Variants in DOCK3 observed in about 807,000 individuals in gnomAD.
DOCK3 encodes dedicator of cytokinesis protein 3.
Under a neutral mutation model 265.6 loss-of-function variants are expected in DOCK3, and 60 were observed. The ratio of observed to expected loss-of-function variants is 0.23; its 90% CI spans 0.18 to 0.28. The LOEUF (loss-of-function observed/expected upper bound fraction) is 0.28, where lower values mean the gene tolerates loss of function less well. Among genes scored for constraint, DOCK3 ranks in the 10% least tolerant of loss-of-function variants. The pLI is 1.00. For missense variants in DOCK3, 1,981 were observed against 2,594.3 expected (o/e 0.76, Z 5.14); for synonymous variants, 881 against 938.0 (o/e 0.94, Z 1.11).
intron 51 of DOCK3, 89 bp from the exon 52 acceptor site, chr3:51,380,036 A>T: frequency 3.9e-6 from 5 of 1,296,998 alleles, no homozygotes; most frequent in Non-Finnish European, 5.4e-6. Context: ...GACTCTTCTC[A>T]TGCCTGCCCA....
chr3:50,943,035 C>T (rs1485293974), intron 5 of DOCK3, among the ~76,000 whole-genome samples: 1 of 151,810 alleles, frequency 6.6e-6, no homozygotes, highest in African/African-American at 2.4e-5. Context: ...ATTTAAGAAA[C>T]ATGCTGTATG....
chr3:51,083,242 A>G lies in DOCK3; in HGVS notation c.550-6001A>G, dbSNP rs1334568745. On this transcript the variant is annotated intron_variant, in intron 7 of 52. Coordinates refer to ENST00000266037, the MANE Select transcript of DOCK3 (RefSeq NM_004947.5). ...GGAGAGTCTGCTACTGCACTCACCT[A>G]GAATCAAATCCAAAGCACCCTACCT... is the stretch of plus-strand genomic sequence containing the variant. Among the ~76,000 whole-genome samples the G allele has an allele frequency of 2.0e-5, 3 of 152,328 alleles. 1 individual carries two copies. The Middle Eastern group carries it at 0.01, about 518-fold the overall frequency.
chr3:50,799,171 T>C (rs11914934), intron 2 of DOCK3, among the ~76,000 whole-genome samples: 7,174 of 152,272 alleles, frequency 0.047, 235 homozygotes, highest in Non-Finnish European at 0.073. Flanking sequence ...TTGCTCTTTT[T>C]GCCCAAGATT....
intron 4 of DOCK3, 101 bp downstream of exon 4, chr3:50,890,182 G>A: frequency 9.9e-6 from 9 of 905,218 alleles, no homozygotes; most frequent in Non-Finnish European, 1.4e-5. Context: ...CAATTGATAT[G>A]TTTTCCTGGC....
chr3:50,999,948 A>T (rs938590850), intron 5 of DOCK3, among the ~76,000 whole-genome samples: 3 of 152,048 alleles, frequency 2.0e-5, no homozygotes, highest in Middle Eastern at 3.4e-3. Flanking sequence ...AGTAAATAGC[A>T]CTCCCTTTCT....
At chr3:50,928,076 A>G (rs1471458930) in intron 4 of DOCK3, among the ~76,000 whole-genome samples, 4 of 150,322 alleles carry the variant, frequency 2.7e-5, no homozygotes, top group African/African-American at 4.9e-5. Flanking sequence ...TATCCTCTCT[A>G]TTGAGGTTTC....
At chr3:51,378,447 C>T (rs1386718608) in intron 51 of DOCK3, among the ~76,000 whole-genome samples, 23 of 152,160 alleles carry the variant, frequency 1.5e-4, no homozygotes, top group Admixed American at 1.5e-3. Flanking sequence ...TCCCATTAGG[C>T]CCTGAAATTC....
chr3:50,890,580 T>G (rs1278709768), intron 4 of DOCK3, among the ~76,000 whole-genome samples: 3 of 152,088 alleles, frequency 2.0e-5, no homozygotes, highest in African/African-American at 7.2e-5. Context: ...ATGTTAACAC[T>G]TGTTTTTGCA....
chr3:50,758,108 G>T (rs1180740982), intron 1 of DOCK3, among the ~76,000 whole-genome samples: 2 of 145,186 alleles, frequency 1.4e-5, no homozygotes, highest in Admixed American at 1.4e-4. Context: ...AACCCGGGAG[G>T]TGGAGCTTGC....
In DOCK3 at chr3:51,312,511, C is replaced by A; in HGVS notation, c.3129C>A (p.Phe1043Leu). 1 of 1,606,922 alleles carries A rather than the reference C, an allele frequency of 6.2e-7. No homozygotes were observed. The highest frequency in any genetic ancestry group is 8.5e-7 in the Non-Finnish European group (1 of 1,178,488). Residue 1043 changes from phenylalanine (F) to leucine (L), a missense_variant, in exon 30 of 53, where the codon TTC becomes TTA. This residue lies in a region of DOCK3 where 1,357 missense variants were observed against 1,866.8 expected (regional missense o/e 0.73). Coordinates refer to ENST00000266037, the MANE Select transcript of DOCK3 (RefSeq NM_004947.5). Reference protein sequence around the residue: ...WNSYFSLAVLFINQPSLQLEI... With the variant: ...WNSYFSLAVLLINQPSLQLEI... ...CTTACTTTAGCCTGGCAGTTCTATT[C>A]ATAAATCAGCCAAGCCTTCAGCTAG...
Position 51,229,529 on chromosome 3 carries a change from C to A in DOCK3, c.1837C>A (p.Leu613Met), listed in dbSNP as rs1234356387. ...CTTTCTAGTGGACCTCCTAGCTCTGCTGAAGTGGAAAGCCTTCCCCGACCG... is the reference window on the plus strand; with the variant it reads ...CTTTCTAGTGGACCTCCTAGCTCTGATGAAGTGGAAAGCCTTCCCCGACCG... Reference protein sequence around the residue: ...LTQNVDLLALLKWKAFPDRIM... With the variant: ...LTQNVDLLALMKWKAFPDRIM... Residue 613 changes from leucine to methionine, a missense_variant, in exon 19 of 53, where the codon CTG becomes ATG. By Grantham distance (15) the Leu-to-Met change is conservative. Around this residue, in one of 4 missense-constraint regions of DOCK3, gnomAD observed 1,357 missense variants for 1,866.8 expected, o/e 0.73. Transcript: ENST00000266037. The A allele has an allele frequency of 1.2e-6, 2 of 1,606,114 alleles. No individual in the cohort carries two copies. Among genetic ancestry groups the A allele is most frequent in the Non-Finnish European group, 8.5e-7 (1 of 1,176,272 alleles).
chr3:51,308,707 A>C (rs1398060130), intron 27 of DOCK3, among the ~76,000 whole-genome samples: 2 of 152,256 alleles, frequency 1.3e-5, no homozygotes, highest in East Asian at 1.9e-4. Flanking sequence ...CATTGTCATC[A>C]TGGCCCGTTC....
intron 5 of DOCK3, among the ~76,000 whole-genome samples, chr3:51,001,328 GT>G: frequency 6.6e-6 from 1 of 152,284 alleles, no homozygotes; most frequent in Admixed American, 6.5e-5. Context: ...TGGGACATTG[GT>G]TTTTTCCTGC....
At chr3:50,810,588 A>C (rs192046947) in intron 2 of DOCK3, among the ~76,000 whole-genome samples, 1 of 152,260 alleles carries the variant, frequency 6.6e-6, no homozygotes, top group East Asian at 1.9e-4. Context: ...TGATTTGCAC[A>C]CTTACGGATG....
chr3:51,250,445 C>T (rs1040179091), intron 22 of DOCK3, among the ~76,000 whole-genome samples: 10 of 152,040 alleles, frequency 6.6e-5, no homozygotes, highest in Non-Finnish European at 1.3e-4. Flanking sequence ...ATGATGAAAC[C>T]CCATCTCTAC....
chr3:51,196,586 T>C (rs1473417136), intron 12 of DOCK3, among the ~76,000 whole-genome samples: 1 of 152,206 alleles, frequency 6.6e-6, no homozygotes, highest in Non-Finnish European at 1.5e-5. Flanking sequence ...TTTTATTCCT[T>C]TTTCTTTATT....
intron 1 of DOCK3, among the ~76,000 whole-genome samples, chr3:50,736,906 A>G (rs983189846): frequency 6.6e-5 from 10 of 151,548 alleles, no homozygotes; most frequent in Non-Finnish European, 1.0e-4. Flanking sequence ...CCGTGTTAGG[A>G]TGGTCTCGAT....
intron 36 of DOCK3, 105 bp downstream of exon 36, chr3:51,338,524 G>A (rs751831863): frequency 1.5e-5 from 19 of 1,291,622 alleles, no homozygotes; most frequent in Admixed American, 2.0e-5. Context: ...AGGCCTAAGG[G>A]TTTGAATCAG....
intron 32 of DOCK3, among the ~76,000 whole-genome samples, chr3:51,321,008 CT>C (rs976805429): frequency 6.6e-6 from 1 of 152,250 alleles, no homozygotes; most frequent in African/African-American, 2.4e-5. Flanking sequence ...AAGTGGGTCC[CT>C]GACCCCCATG....
Sources: gnomAD v4.1 joint callset for allele counts (sites outside exome capture counted in the v4.1 genomes callset) on GRCh38, gnomAD v4.1.1 for gene constraint, gnomAD v4.1.1 regional missense constraint, MANE v1.5 for transcripts, NCBI Gene and HGNC (gene_info 2026-07-23, HGNC 2026-07-21) for gene names.